PRXL2C: variants seen among roughly 807,000 people sequenced by gnomAD.
PRXL2C encodes peroxiredoxin like 2C, also known as peroxiredoxin-like 2C.
PRXL2C carries 38 observed loss-of-function variants against 24.9 expected under a neutral mutation model. That is an observed-to-expected ratio of 1.53 (90% CI 1.18 to 2.00). The LOEUF is 2.00. Ranked by LOEUF, PRXL2C falls within the 30% of genes most tolerant of loss-of-function variation. The pLI is 0.00. For missense variants in PRXL2C, 294 were observed against 290.9 expected, an observed-to-expected ratio of 1.01 and a Z score of -0.08; for synonymous variants, 98 against 117.2, an observed-to-expected ratio of 0.84 and a Z score of 1.06.
intron 4 of PRXL2C, among the ~76,000 whole-genome samples, chr9:96,646,253 G>A (rs1848200800): frequency 1.3e-5 from 2 of 152,150 alleles, no homozygotes; most frequent in Admixed American, 6.5e-5. Context: ...TTACCAAGTT[G>A]TAAAAACCAA....
Position 96,641,866 on chromosome 9 carries a change from G to C in PRXL2C, c.574C>G (p.His192Asp). The C allele has an allele frequency of 6.7e-7, 1 of 1,502,760 alleles. No individual in the cohort carries two copies. The highest frequency in any genetic ancestry group is 1.3e-5 in the South Asian group (1 of 74,716). The allele number at this position is 1,502,760 out of a possible 1,614,324, so 93.1% of individuals were successfully genotyped here. ...LGPGNNIHFI[H>D]RDRNRLDHKP... Reference sequence around the variant, plus strand: ...TGATCCAACCTATTCCTATCGCGGTGTATAAAATGGATGTTGTTACCTAGA... The same window carrying C: ...TGATCCAACCTATTCCTATCGCGGTCTATAAAATGGATGTTGTTACCTAGA... The change falls in exon 6 of 6, where the codon CAC becomes GAC. Residue 192 changes from histidine (H) to aspartate (D), a missense_variant. Physicochemically the swap from His to Asp is moderately conservative, Grantham distance 81. Coordinates refer to ENST00000375234, the MANE Select transcript of PRXL2C (RefSeq NM_153698.2).
At chr9:96,650,804 T>C (rs985390028) in intron 4 of PRXL2C, among the ~76,000 whole-genome samples, 1 of 151,708 alleles carries the variant, frequency 6.6e-6, no homozygotes, top group Non-Finnish European at 1.5e-5. Context: ...ACCTATTTCA[T>C]CATGTGCGCA....
chr9:96,653,058 C>T (rs1336189599), intron 2 of PRXL2C, among the ~76,000 whole-genome samples: 1 of 152,090 alleles, frequency 6.6e-6, no homozygotes, highest in Non-Finnish European at 1.5e-5. Flanking sequence ...AAACCCGTCT[C>T]TACTAAAAAT....
chr9:96,645,218 T>C (rs1233434896), intron 5 of PRXL2C, among the ~76,000 whole-genome samples: 2 of 151,558 alleles, frequency 1.3e-5, no homozygotes, highest in African/African-American at 2.4e-5. Flanking sequence ...TGGATTCTTT[T>C]CTTGAAAAAA....
Position 96,645,969 on chromosome 9 carries a change from C to T in PRXL2C, c.477G>A (p.Trp159Ter). Residue 159 changes from tryptophan to a stop codon, truncating the protein, a stop_gained, in exon 5 of 6, where the codon TGG becomes TGA. Coordinates refer to ENST00000375234, the MANE Select transcript of PRXL2C (RefSeq NM_153698.2). LOFTEE classifies it high-confidence loss of function. ...CAAAGAGAGGGCCAGTCACTGCCCG[C>T]CACAGGCTCTGAAGGCTTCCTGAGA... ...NLLSGSLQSL[W>*]RAVTGPLFDF... 2 of 1,613,808 alleles carry T rather than the reference C, an allele frequency of 1.2e-6. No individual in the cohort carries two copies.
Position 96,641,840 on chromosome 9 carries a change from G to A in PRXL2C, c.600C>T (p.His200=). 6.4e-7 allele frequency: 1 copy of A among 1,563,156 alleles called. No individual in the cohort carries two copies. The highest frequency in any genetic ancestry group is 8.7e-7 in the Non-Finnish European group (1 of 1,143,970). The change falls in exon 6 of 6, where the codon CAC becomes CAT. Residue 200 remains histidine, a synonymous_variant. Coordinates refer to ENST00000375234, the MANE Select transcript of PRXL2C (RefSeq NM_153698.2). ...GCTGTAAAACAGAGTTGATAGGTTT[G>A]TGATCCAACCTATTCCTATCGCGGT... ...FIHRDRNRLD[H]KPINSVLQLV... is the part of the protein sequence containing the mutation.
chr9:96,644,535 G>A (rs1848164025), intron 5 of PRXL2C, among the ~76,000 whole-genome samples: 1 of 152,084 alleles, frequency 6.6e-6, no homozygotes. Flanking sequence ...ACCCAGGCTG[G>A]AGTGCAGTGG....
Position 96,641,858 on chromosome 9 carries a change from A to G in PRXL2C, c.582T>C (p.Asp194=), listed in dbSNP as rs145651235. The change falls in exon 6 of 6, where the codon GAT becomes GAC. Residue 194 remains aspartate (D), a synonymous_variant. Transcript: ENST00000375234. ...PGNNIHFIHR[D]RNRLDHKPIN... is the part of the protein sequence containing the mutation. ...TAGGTTTGTGATCCAACCTATTCCTATCGCGGTGTATAAAATGGATGTTGT... is the reference window on the plus strand; with the variant it reads ...TAGGTTTGTGATCCAACCTATTCCTGTCGCGGTGTATAAAATGGATGTTGT... 7 of 1,519,122 alleles carry G rather than the reference A, an allele frequency of 4.6e-6. No homozygotes were observed. Among genetic ancestry groups the G allele is most frequent in the African/African-American group, 2.7e-5 (2 of 73,300 alleles). 94.1% of individuals were successfully genotyped at this position (1,519,122 alleles called of 1,614,324 possible). A position where few individuals can be genotyped will look rare whatever the true frequency, so the allele number is the denominator to read the frequency against.
chr9:96,644,976 G>T (rs757910715), intron 5 of PRXL2C, among the ~76,000 whole-genome samples: 1 of 132,086 alleles, frequency 7.6e-6, no homozygotes, highest in South Asian at 2.6e-4. Flanking sequence ...GTGCGATCTC[G>T]GCGCACTGCA....
At position 96,641,642 on chromosome 9, in the gene PRXL2C, A is replaced by G; in HGVS notation, c.*117T>C. ...GTTCAAGCCCCCTTTATGCTTCCCT[A>G]ACTCCTCAAAGGCTGGGAAGGGACA... On this transcript the variant is annotated 3_prime_UTR_variant, in exon 6 of 6. Transcript: ENST00000375234. 6.4e-6 allele frequency: 7 copies of G among 1,088,818 alleles called. No individual in the cohort carries two copies. The highest frequency in any genetic ancestry group is 8.6e-6 in the Non-Finnish European group (7 of 813,966). 67.4% of individuals were successfully genotyped at this position (1,088,818 alleles called of 1,614,324 possible). A position where few individuals can be genotyped will look rare whatever the true frequency, so the allele number is the denominator to read the frequency against.
At chr9:96,642,151 G>A (rs1393686398) in intron 5 of PRXL2C, among the ~76,000 whole-genome samples, 1 of 152,046 alleles carries the variant, frequency 6.6e-6, no homozygotes, top group Non-Finnish European at 1.5e-5. Flanking sequence ...CTTCTGTTAG[G>A]TTTTATTAAA....
chr9:96,652,893 T>C (rs944191834), intron 2 of PRXL2C, among the ~76,000 whole-genome samples: 3 of 152,160 alleles, frequency 2.0e-5, no homozygotes, highest in South Asian at 2.1e-4. Flanking sequence ...CACCAAGATA[T>C]AGAAGCAACC....
chr9:96,641,523 T>C lies in PRXL2C; in HGVS notation c.*236A>G, dbSNP rs1315257621. 2 of 321,546 alleles carry C rather than the reference T, an allele frequency of 6.2e-6. No individual in the cohort carries two copies. The highest frequency in any genetic ancestry group is 5.0e-5 in the East Asian group (1 of 20,086). 19.9% of individuals were successfully genotyped at this position (321,546 alleles called of 1,614,324 possible). A position where few individuals can be genotyped will look rare whatever the true frequency, so the allele number is the denominator to read the frequency against. On this transcript the variant is annotated 3_prime_UTR_variant, in exon 6 of 6. Transcript: ENST00000375234. ...ATAGCTTTTAAAGTTATATTTTGTA[T>C]ATTCATTTTTTTTGTATAAAATGTT...
intron 5 of PRXL2C, among the ~76,000 whole-genome samples, chr9:96,644,881 CTTTTTTTTTTTTTTTTT>C (rs530343244): frequency 0.011 from 415 of 36,708 alleles, 5 homozygotes; most frequent in East Asian, 0.028. Context: ...TACATGGATT[CTTTTTTTTTTTTTTTTT>C]TTTTTTTTTT....
In PRXL2C at chr9:96,641,127, T is replaced by C. The variant is rs1848108795; in HGVS notation, c.*632A>G. The stretch of plus-strand genomic sequence containing the variant: ...GTGAAGGTTGTTATGTGGCATAAAA[T>C]TGTCCTATAATGTTTAAAGACCTTT... On this transcript the variant is annotated 3_prime_UTR_variant, in exon 6 of 6. Coordinates refer to ENST00000375234, the MANE Select transcript of PRXL2C (RefSeq NM_153698.2). 1 of 152,166 alleles carries C rather than the reference T, an allele frequency of 6.6e-6. No individual in the cohort carries two copies. The highest frequency in any genetic ancestry group is 2.1e-4 in the South Asian group (1 of 4,838). 9.4% of individuals were successfully genotyped at this position (152,166 alleles called of 1,614,324 possible). A position where few individuals can be genotyped will look rare whatever the true frequency, so the allele number is the denominator to read the frequency against.
chr9:96,647,092 G>A (rs1188262569), intron 4 of PRXL2C, among the ~76,000 whole-genome samples: 2 of 152,034 alleles, frequency 1.3e-5, no homozygotes, highest in Non-Finnish European at 2.9e-5. Context: ...AGCCGGTCCC[G>A]TTCTTGAAAT....
At chr9:96,642,585 C>T (rs1156848192) in intron 5 of PRXL2C, among the ~76,000 whole-genome samples, 3 of 142,064 alleles carry the variant, frequency 2.1e-5, no homozygotes, top group Non-Finnish European at 4.5e-5. Flanking sequence ...CTCGCTTTGT[C>T]GCCAGGCTGG....
At position 96,641,826 on chromosome 9, in the gene PRXL2C, G is replaced by C. The variant is rs1342631963; in HGVS notation, c.614C>G (p.Ser205Cys). Residue 205 changes from serine (S) to cysteine (C), a missense_variant, in exon 6 of 6, where the codon TCT becomes TGT. Physicochemically the swap from Ser to Cys is moderately radical, Grantham distance 112. Transcript: ENST00000375234. ...CTGAACTCCTACAAGCTGTAAAACA[G>C]AGTTGATAGGTTTGTGATCCAACCT... ...RNRLDHKPIN[S>C]VLQLVGVQHV... 3.8e-6 allele frequency: 6 copies of C among 1,569,050 alleles called. No homozygotes were observed. Among genetic ancestry groups the C allele is most frequent in the Non-Finnish European group, 5.2e-6 (6 of 1,147,888 alleles).
chr9:96,651,608 A>G (rs1158477169), intron 3 of PRXL2C, 51 bp downstream of exon 3: 1 of 1,565,566 alleles, frequency 6.4e-7, no homozygotes, highest in East Asian at 2.2e-5. Context: ...TGTAATTTTT[A>G]TGTCTGAAAC....
Sources: gnomAD v4.1 joint callset for allele counts (sites outside exome capture counted in the v4.1 genomes callset) on GRCh38, gnomAD v4.1.1 for gene constraint, MANE v1.5 for transcripts, NCBI Gene and HGNC (gene_info 2026-07-23, HGNC 2026-07-21) for gene names.